The following FHL5 variants were observed in gnomAD, a reference collection of about 807,000 sequenced individuals.
FHL5 encodes the protein four and a half LIM domains protein 5.
In FHL5, 33 loss-of-function variants were observed where a neutral mutation model predicts 32.0. That is an observed-to-expected ratio of 1.03 (90% confidence interval 0.78 to 1.38). FHL5 has a LOEUF of 1.38. Among genes scored for constraint, FHL5 ranks in the 40% most tolerant of loss-of-function variants. FHL5 has a pLI of 0.00. For synonymous variants in FHL5, 114 were observed against 113.6 expected (o/e 1.00, Z -0.02); for missense variants, 336 against 343.9 (o/e 0.98, Z 0.18).
chr6:96,603,373 T>A (rs1771196305), intron 1 of FHL5, among the ~76,000 whole-genome samples: 1 of 149,944 alleles, frequency 6.7e-6, no homozygotes, highest in African/African-American at 2.5e-5. Flanking sequence ...GTTTTATGCA[T>A]TTTTTTTTAG....
At chr6:96,615,472 G>T in intron 5 of FHL5, 137 bp from the exon 6 acceptor site, 1 of 577,924 alleles carries the variant, frequency 1.7e-6, no homozygotes. Context: ...CCAGGAAGCA[G>T]CATTCTTTTT....
chr6:96,565,965 G>A (rs1473988292), intron 1 of FHL5, among the ~76,000 whole-genome samples: 1 of 151,816 alleles, frequency 6.6e-6, no homozygotes, highest in Non-Finnish European at 1.5e-5. Context: ...AGGGTAAATA[G>A]CATATTTATT....
chr6:96,575,421 C>A (rs1485718541), intron 1 of FHL5, among the ~76,000 whole-genome samples: 1 of 152,182 alleles, frequency 6.6e-6, no homozygotes, highest in Admixed American at 6.5e-5. Context: ...AGAGACCAAG[C>A]CCTTCCCTTC....
At chr6:96,604,453 G>A (rs1771226787) in intron 2 of FHL5, among the ~76,000 whole-genome samples, 1 of 151,846 alleles carries the variant, frequency 6.6e-6, no homozygotes, top group African/African-American at 2.4e-5. Context: ...ATCATTCCAT[G>A]AAAAACCTCT....
chr6:96,570,366 T>C (rs1473102934), intron 1 of FHL5, among the ~76,000 whole-genome samples: 4 of 152,148 alleles, frequency 2.6e-5, no homozygotes, highest in African/African-American at 9.7e-5. Context: ...AGTTCTCTTA[T>C]GTGACTTGAC....
At chr6:96,610,199 G>A (rs541793582) in intron 4 of FHL5, among the ~76,000 whole-genome samples, 1 of 152,286 alleles carries the variant, frequency 6.6e-6, no homozygotes, top group East Asian at 1.9e-4. Context: ...GTATGAGGAA[G>A]TGAAAAAAGA....
At position 96,618,123 on chromosome 6, in the gene FHL5, C is replaced by A. The variant is rs936756538; in HGVS notation, c.*2351C>A. Among the ~76,000 whole-genome samples the A allele has an allele frequency of 1.3e-5, 2 of 152,134 alleles. No homozygotes were observed. Among genetic ancestry groups the A allele is most frequent in the Admixed American group, 1.3e-4 (2 of 15,266 alleles). ...ATATGCAAAACAACTAAGAAAAAGACCTCCTTAGGTCTTTGCGTAACACAC... is the reference window on the plus strand; with the variant it reads ...ATATGCAAAACAACTAAGAAAAAGAACTCCTTAGGTCTTTGCGTAACACAC... On this transcript the variant is annotated 3_prime_UTR_variant, in exon 6 of 6. Transcript: ENST00000450218.
intron 1 of FHL5, among the ~76,000 whole-genome samples, chr6:96,601,188 G>T (rs1453850362): frequency 6.6e-6 from 1 of 152,062 alleles, no homozygotes; most frequent in Non-Finnish European, 1.5e-5. Context: ...ACAAAAATTA[G>T]CCAGGCACGG....
In FHL5 at chr6:96,591,688, A is replaced by G. The variant is rs188665781; in HGVS notation, c.-12-11914A>G. Among the ~76,000 whole-genome samples, 184 of 152,200 alleles carry G rather than the reference A, an allele frequency of 1.2e-3. 2 individuals are homozygous for G. The highest frequency in any genetic ancestry group is 4.2e-3 in the African/African-American group (174 of 41,514). ...ATCCTCAATTTGTTATTAATCTGAA[A>G]GTAATATTTTATTATCAGGGGAAAT... is the stretch of plus-strand genomic sequence containing the variant. On this transcript the variant is annotated intron_variant, in intron 1 of 5. Coordinates refer to ENST00000450218, the MANE Select transcript of FHL5 (RefSeq NM_001322466.2).
chr6:96,567,797 G>GT (rs1770390190), intron 1 of FHL5, among the ~76,000 whole-genome samples: 1 of 136,246 alleles, frequency 7.3e-6, no homozygotes, highest in Non-Finnish European at 1.6e-5. Flanking sequence ...TGTTTTTGGT[G>GT]TATAGAAAAG....
rs550496141 is a variant in FHL5 at position 96,565,437 on chromosome 6, GAATAAT to G, written c.-13+2088_-13+2093del. ...AGCTGTGTTATAGAATTTTATATTA[GAATAAT>G]AATAACAGTAGTCATTTTTATTTTT... On this transcript the variant is annotated intron_variant, in intron 1 of 5. Transcript: ENST00000450218. 3.7e-3 allele frequency among the ~76,000 whole-genome samples: 560 copies of G among 152,210 alleles called. 2 individuals carry two copies. Among genetic ancestry groups the G allele is most frequent in the African/African-American group, 0.013 (527 of 41,542 alleles).
At chr6:96,590,584 G>T (rs1770895268) in intron 1 of FHL5, among the ~76,000 whole-genome samples, 2 of 151,844 alleles carry the variant, frequency 1.3e-5, no homozygotes. Flanking sequence ...TTTAACTCTT[G>T]TACTTTTTTC....
In FHL5 at chr6:96,617,204, T is replaced by C. The variant is rs919079014; in HGVS notation, c.*1432T>C. On this transcript the variant is annotated 3_prime_UTR_variant, in exon 6 of 6. Coordinates refer to ENST00000450218, the MANE Select transcript of FHL5 (RefSeq NM_001322466.2). ...CTGCTCTCCATGATCTGTTTTCACA[T>C]TGGTTATAGCATCTCTTGGATGGAG... 1.4e-4 allele frequency among the ~76,000 whole-genome samples: 21 copies of C among 152,182 alleles called. No homozygotes were observed. Among genetic ancestry groups the C allele is most frequent in the Admixed American group, 1.0e-3 (16 of 15,280 alleles).
intron 4 of FHL5, among the ~76,000 whole-genome samples, chr6:96,609,601 C>T (rs1431666349): frequency 6.6e-6 from 1 of 152,226 alleles, no homozygotes; most frequent in Non-Finnish European, 1.5e-5. Context: ...GCTCAATGTA[C>T]AACCAGGGCT....
chr6:96,581,664 C>T (rs150052124), intron 1 of FHL5, among the ~76,000 whole-genome samples: 25 of 152,252 alleles, frequency 1.6e-4, no homozygotes, highest in African/African-American at 4.3e-4. Context: ...CTGGTAGAAA[C>T]GGTGTTAAGT....
At chr6:96,582,413 A>G (rs936887588) in intron 1 of FHL5, among the ~76,000 whole-genome samples, 1 of 152,184 alleles carries the variant, frequency 6.6e-6, no homozygotes, top group Non-Finnish European at 1.5e-5. Context: ...TTTATTTCTT[A>G]AAGAATGTTT....
intron 1 of FHL5, among the ~76,000 whole-genome samples, chr6:96,578,791 G>A (rs933546292): frequency 1.3e-5 from 2 of 152,030 alleles, no homozygotes; most frequent in Non-Finnish European, 2.9e-5. Flanking sequence ...GCAGTGAGCC[G>A]AGATTGTGCC....
At chr6:96,576,629 A>T (rs994603933) in intron 1 of FHL5, among the ~76,000 whole-genome samples, 6 of 152,248 alleles carry the variant, frequency 3.9e-5, no homozygotes, top group Non-Finnish European at 8.8e-5. Context: ...GAGCTGTTTG[A>T]TAACATATAT....
chr6:96,601,738 T>A (rs1222932376), intron 1 of FHL5, among the ~76,000 whole-genome samples: 2 of 152,142 alleles, frequency 1.3e-5, no homozygotes, highest in Non-Finnish European at 2.9e-5. Flanking sequence ...GTGAAGAGAG[T>A]TAAAGGTACA....
Sources: allele counts gnomAD v4.1 joint callset (sites outside exome capture counted in the v4.1 genomes callset), GRCh38; gene constraint gnomAD v4.1.1; transcripts MANE v1.5; gene names NCBI Gene and HGNC (gene_info 2026-07-23, HGNC 2026-07-21).